Variants in TTC23 observed in about 807,000 individuals in gnomAD.
TTC23 encodes the protein tetratricopeptide repeat protein 23.
TTC23 carries 58 observed loss-of-function variants against 55.1 expected under a neutral mutation model. The observed-to-expected ratio is 1.05, with a 90% CI of 0.85 to 1.31. TTC23 has a LOEUF of 1.31. Among genes scored for constraint, TTC23 ranks in the 50% most tolerant of loss-of-function variants. The probability of loss-of-function intolerance (pLI) is 0.00; values close to 1 mark genes in which losing one functional copy is unlikely to be tolerated. For synonymous variants in TTC23, 203 were observed against 199.9 expected (o/e 1.02, Z -0.13); for missense variants, 516 against 534.4 (o/e 0.97, Z 0.34).
Position 99,139,338 on chromosome 15 carries a change from T to G in TTC23, c.1205A>C (p.Gln402Pro), listed in dbSNP as rs2067946331. 1 of 1,613,542 alleles carries G rather than the reference T, an allele frequency of 6.2e-7. No homozygotes were observed. The highest frequency in any genetic ancestry group is 8.5e-7 in the Non-Finnish European group (1 of 1,180,034). ...PQDKRTLATQ[Q>P]AMGMLSTAPK... is the part of the protein sequence containing the mutation. ...TCACGTGGACAGCATGCCCATGGCC[T>G]GCTGGGTGGCCAGAGTCCTTTTGTC... is the stretch of plus-strand genomic sequence containing the variant. The change falls in exon 13 of 14, where the codon CAG becomes CCG. Residue 402 changes from glutamine to proline, a missense_variant. By Grantham distance (76) the Gln-to-Pro change is moderately conservative (BLOSUM62 -1). Transcript: ENST00000394132.
intron 10 of TTC23, among the ~76,000 whole-genome samples, chr15:99,166,966 A>G (rs1217822904): frequency 2.0e-5 from 3 of 152,334 alleles, no homozygotes; most frequent in African/African-American, 2.4e-5. Flanking sequence ...TCTAGGATAC[A>G]AGAAAGCTCC....
At chr15:99,200,412 G>C (rs896792173) in intron 8 of TTC23, among the ~76,000 whole-genome samples, 1 of 152,110 alleles carries the variant, frequency 6.6e-6, no homozygotes, top group African/African-American at 2.4e-5. Context: ...TAAATTAATT[G>C]ATATTCATAA....
At chr15:99,215,337 C>T (rs2077390117) in intron 8 of TTC23, among the ~76,000 whole-genome samples, 1 of 152,072 alleles carries the variant, frequency 6.6e-6, no homozygotes, top group African/African-American at 2.4e-5. Context: ...AGAGTGCTGG[C>T]ACGCTCAAAG....
intron 5 of TTC23, among the ~76,000 whole-genome samples, chr15:99,228,016 C>G (rs1173998128): frequency 6.6e-6 from 1 of 152,206 alleles, no homozygotes; most frequent in Admixed American, 6.5e-5. Flanking sequence ...CCGAGTCCCT[C>G]CAAGACAAAG....
chr15:99,209,078 T>G (rs974006547), intron 8 of TTC23, among the ~76,000 whole-genome samples: 2 of 152,218 alleles, frequency 1.3e-5, no homozygotes, highest in African/African-American at 4.8e-5. Flanking sequence ...TGAATGAAAG[T>G]TTATACGCAG....
At chr15:99,189,920 T>C (rs185718468) in intron 9 of TTC23, among the ~76,000 whole-genome samples, 3 of 152,294 alleles carry the variant, frequency 2.0e-5, no homozygotes, top group Admixed American at 2.0e-4. Context: ...TTCATGCCTG[T>C]AATCCCAGCA....
At chr15:99,159,474 G>A (rs1480439296) in intron 11 of TTC23, 2 of 152,272 alleles carry the variant, frequency 1.3e-5, no homozygotes, top group African/African-American at 4.8e-5. Flanking sequence ...AATGAAGCCT[G>A]GGGAGAGGAA....
In TTC23 at chr15:99,229,934, A is replaced by G. The variant is rs571346115; in HGVS notation, c.-20-1202T>C. ...AAAAGGATCAAACTGTTTTCAAGGG[A>G]CTTAATTGCACTAGAGGATAATACT... On this transcript the variant is annotated intron_variant, in intron 4 of 13. Transcript: ENST00000394132. 7.2e-5 allele frequency among the ~76,000 whole-genome samples: 11 copies of G among 152,328 alleles called. No individual in the cohort carries two copies. The East Asian group carries it at 1.7e-3, about 24-fold the overall frequency.
intron 2 of TTC23, among the ~76,000 whole-genome samples, chr15:99,243,723 G>A (rs1479055356): frequency 6.6e-6 from 1 of 152,214 alleles, no homozygotes; most frequent in African/African-American, 2.4e-5. Context: ...CAGGCAGAGA[G>A]AGACAAATTT....
chr15:99,218,484 C>A, intron 8 of TTC23, 104 bp downstream of exon 8: 3 of 1,462,400 alleles, frequency 2.1e-6, no homozygotes, highest in Non-Finnish European at 1.9e-6. Context: ...TCCAGAGAAG[C>A]CATGGCCGCA....
intron 5 of TTC23, among the ~76,000 whole-genome samples, chr15:99,228,181 T>C (rs1199547264): frequency 6.6e-6 from 1 of 152,206 alleles, no homozygotes; most frequent in Non-Finnish European, 1.5e-5. Flanking sequence ...TGAGTAAAAC[T>C]TTTGAGGAAA....
intron 6 of TTC23, 118 bp downstream of exon 6, chr15:99,221,623 T>C: frequency 3.1e-6 from 4 of 1,305,802 alleles, no homozygotes; most frequent in Non-Finnish European, 3.1e-6. Context: ...AATGGCTTCT[T>C]GGTATTTAGA....
chr15:99,169,325 G>A (rs1326285296), intron 10 of TTC23, among the ~76,000 whole-genome samples: 1 of 150,718 alleles, frequency 6.6e-6, no homozygotes, highest in Non-Finnish European at 1.5e-5. Context: ...CAACTGGGGC[G>A]TGGCCAGCCA....
At chr15:99,146,714 C>A (rs1362914909) in intron 12 of TTC23, among the ~76,000 whole-genome samples, 1 of 152,244 alleles carries the variant, frequency 6.6e-6, no homozygotes, top group Non-Finnish European at 1.5e-5. Flanking sequence ...TGTCAGTGGG[C>A]AGTCTGTGTA....
At chr15:99,244,502 A>C (rs1472663608) in intron 2 of TTC23, among the ~76,000 whole-genome samples, 1 of 152,250 alleles carries the variant, frequency 6.6e-6, no homozygotes, top group African/African-American at 2.4e-5. Context: ...ATATGTCAGC[A>C]ATAAATAATC....
In TTC23 at chr15:99,199,919, C is replaced by A. The variant is rs2076062133; in HGVS notation, c.759G>T (p.Gln253His). ...TGGTAGCCAGGACCTTGTAGCTTAC[C>A]TGGAGGAAGTGGTTGATGGATACAT... is the stretch of plus-strand genomic sequence containing the variant. ...LHDVSINHFL[Q>H]AHLIILSRSP... The change falls in exon 9 of 14, where the codon CAG becomes CAT. Residue 253 changes from glutamine (Q) to histidine (H), a missense_variant and splice_region_variant. Physicochemically the swap from Gln to His is conservative, Grantham distance 24. Coordinates refer to ENST00000394132, the MANE Select transcript of TTC23 (RefSeq NM_001288615.3). 1 of 1,610,136 alleles carries A rather than the reference C, an allele frequency of 6.2e-7. No homozygotes were observed. The highest frequency in any genetic ancestry group is 1.1e-5 in the South Asian group (1 of 90,018).
chr15:99,204,781 G>A (rs2076487039), intron 8 of TTC23, among the ~76,000 whole-genome samples: 1 of 151,546 alleles, frequency 6.6e-6, no homozygotes. Flanking sequence ...GACTATAGGT[G>A]CACACCACCA....
intron 9 of TTC23, among the ~76,000 whole-genome samples, chr15:99,176,518 G>A (rs1027534955): frequency 5.3e-5 from 8 of 152,044 alleles, no homozygotes; most frequent in Non-Finnish European, 1.0e-4. Flanking sequence ...GGGCTAAAGC[G>A]GGTGAATTGC....
chr15:99,193,457 G>A (rs1355239019), intron 9 of TTC23, among the ~76,000 whole-genome samples: 1 of 152,132 alleles, frequency 6.6e-6, no homozygotes, highest in Non-Finnish European at 1.5e-5. Flanking sequence ...TCATAAGGGG[G>A]AGTTTCCCTG....
Sources: gnomAD v4.1 joint callset for allele counts (sites outside exome capture counted in the v4.1 genomes callset) on GRCh38, gnomAD v4.1.1 for gene constraint, MANE v1.5 for transcripts, NCBI Gene and HGNC (gene_info 2026-07-23, HGNC 2026-07-21) for gene names.